PRR5L: variants seen among roughly 807,000 people sequenced by gnomAD.
PRR5L encodes the protein proline rich 5 like.
PRR5L carries 21 observed loss-of-function variants against 36.4 expected under a neutral mutation model. The ratio of observed to expected loss-of-function variants is 0.58; its 90% CI spans 0.41 to 0.83. The LOEUF is 0.83. PRR5L is among the 40% of genes least tolerant of loss of function. The pLI is 0.00. For synonymous variants in PRR5L, 188 were observed against 197.0 expected (o/e 0.95, Z 0.38); for missense variants, 381 against 473.3 (o/e 0.80, Z 1.81).
intron 1 of PRR5L, among the ~76,000 whole-genome samples, chr11:36,337,326 C>T (rs4755449): frequency 0.43 from 64,796 of 152,028 alleles, 14,489 homozygotes; most frequent in East Asian, 0.77. Flanking sequence ...CCGGCTTCTC[C>T]CCTCTTCTGC....
intron 8 of PRR5L, among the ~76,000 whole-genome samples, chr11:36,457,087 C>A (rs116290541): frequency 6.6e-6 from 1 of 152,204 alleles, no homozygotes; most frequent in African/African-American, 2.4e-5. Context: ...CTGGCTCATC[C>A]CAGTGGGCTG....
intron 1 of PRR5L, among the ~76,000 whole-genome samples, chr11:36,357,874 T>C (rs920710178): frequency 1.3e-5 from 2 of 152,266 alleles, no homozygotes; most frequent in African/African-American, 4.8e-5. Context: ...TCAAGTCTTA[T>C]TATTTAAGAA....
intron 1 of PRR5L, among the ~76,000 whole-genome samples, chr11:36,388,434 G>T (rs1857495147): frequency 6.6e-6 from 1 of 152,132 alleles, no homozygotes; most frequent in Non-Finnish European, 1.5e-5. Flanking sequence ...ATTTGAAGAA[G>T]TAAGGCATTT....
chr11:36,366,953 G>A (rs1392749890), intron 1 of PRR5L, among the ~76,000 whole-genome samples: 1 of 152,050 alleles, frequency 6.6e-6, no homozygotes, highest in South Asian at 2.1e-4. Context: ...GAATGAATAA[G>A]CATACACAAA....
chr11:36,451,346 C>T lies in PRR5L; in HGVS notation c.712+11C>T, dbSNP rs962806376. The T allele has an allele frequency of 1.2e-6, 2 of 1,613,576 alleles. No individual in the cohort carries two copies. Among genetic ancestry groups the T allele is most frequent in the African/African-American group, 1.3e-5 (1 of 74,916 alleles). On this transcript the variant is annotated intron_variant, in intron 8 of 8. Coordinates refer to ENST00000530639, the MANE Select transcript of PRR5L (RefSeq NM_001160167.2). ...CCACGTACACGCTGGGTAAGGAGTG[C>T]AGCTCTCAAGTTGTCAAGAGGCCCA...
At chr11:36,427,173 G>A (rs978506094) in intron 4 of PRR5L, among the ~76,000 whole-genome samples, 3 of 152,066 alleles carry the variant, frequency 2.0e-5, no homozygotes, top group East Asian at 1.9e-4. Flanking sequence ...TTTGCAGCCC[G>A]TTTTTCTATG....
At chr11:36,303,939 A>G (rs1856403267) in intron 1 of PRR5L, among the ~76,000 whole-genome samples, 1 of 152,180 alleles carries the variant, frequency 6.6e-6, no homozygotes, top group African/African-American at 2.4e-5. Flanking sequence ...GATGTCCAGC[A>G]GGGCAGGAGC....
In PRR5L at chr11:36,464,617, T is replaced by C. The variant is rs1295142082; in HGVS notation, c.*1881T>C. ...GGAGCATCAGTAGGTAGCAACATGA[T>C]AATTTATGTAACTGATAGCTTCTGT... On this transcript the variant is annotated 3_prime_UTR_variant, in exon 9 of 9. Coordinates refer to ENST00000530639, the MANE Select transcript of PRR5L (RefSeq NM_001160167.2). The C allele has an allele frequency of 6.6e-6, 1 of 152,232 alleles. No individual in the cohort carries two copies. The highest frequency in any genetic ancestry group is 1.5e-5 in the Non-Finnish European group (1 of 68,032). The allele number at this position is 152,232 out of a possible 1,614,324, so 9.4% of individuals were successfully genotyped here.
intron 1 of PRR5L, among the ~76,000 whole-genome samples, chr11:36,331,394 A>C (rs908735698): frequency 6.6e-6 from 1 of 152,222 alleles, no homozygotes; most frequent in Non-Finnish European, 1.5e-5. Flanking sequence ...AAATGTCAAA[A>C]AGTTTGAACA....
At chr11:36,351,563 TTATATATTTATATAAATATATA>T (rs1565408652) in intron 1 of PRR5L, among the ~76,000 whole-genome samples, 3 of 19,068 alleles carry the variant, frequency 1.6e-4, no homozygotes, top group South Asian at 2.2e-3. Context: ...ATTTATATAT[TTATATATTTATATAAATATATA>T]TTTATATATT....
At chr11:36,309,778 G>A (rs1856479116) in intron 1 of PRR5L, among the ~76,000 whole-genome samples, 1 of 151,906 alleles carries the variant, frequency 6.6e-6, no homozygotes, top group South Asian at 2.1e-4. Flanking sequence ...TGTGTGTTTT[G>A]GCACACTTCT....
chr11:36,369,949 C>T (rs1038592237), intron 1 of PRR5L, among the ~76,000 whole-genome samples: 11 of 152,124 alleles, frequency 7.2e-5, no homozygotes, highest in Non-Finnish European at 1.3e-4. Flanking sequence ...TCTTAAGATG[C>T]AGAGAGGGGA....
intron 3 of PRR5L, among the ~76,000 whole-genome samples, chr11:36,410,125 G>A (rs925699886): frequency 3.9e-5 from 6 of 152,180 alleles, no homozygotes; most frequent in Non-Finnish European, 7.3e-5. Flanking sequence ...TACCTGCTGT[G>A]GCTGAGAAAC....
At chr11:36,398,434 C>G (rs1857715827) in intron 1 of PRR5L, 1 of 152,600 alleles carries the variant, frequency 6.6e-6, no homozygotes, top group Admixed American at 6.5e-5. Flanking sequence ...CCACTCTTGT[C>G]AATGCTCCCA....
At chr11:36,340,175 C>T (rs1856805173) in intron 1 of PRR5L, among the ~76,000 whole-genome samples, 1 of 152,208 alleles carries the variant, frequency 6.6e-6, no homozygotes, top group Non-Finnish European at 1.5e-5. Flanking sequence ...TTTGTTCTGT[C>T]CAGCCCAGTA....
At chr11:36,418,405 G>C (rs1858191894) in intron 3 of PRR5L, among the ~76,000 whole-genome samples, 1 of 152,168 alleles carries the variant, frequency 6.6e-6, no homozygotes, top group African/African-American at 2.4e-5. Context: ...GGGAAAAGAT[G>C]TTGAATTTGC....
At chr11:36,316,622 T>C (rs968027291) in intron 1 of PRR5L, among the ~76,000 whole-genome samples, 3 of 152,148 alleles carry the variant, frequency 2.0e-5, no homozygotes, top group African/African-American at 4.8e-5. Context: ...ATTACCGGTC[T>C]GGGTGGTGTC....
intron 6 of PRR5L, among the ~76,000 whole-genome samples, chr11:36,445,130 G>A (rs1197433435): frequency 6.6e-6 from 1 of 152,182 alleles, no homozygotes; most frequent in Admixed American, 6.5e-5. Context: ...CAGGGGATAT[G>A]GAGATAGCAA....
intron 8 of PRR5L, among the ~76,000 whole-genome samples, chr11:36,460,564 C>G (rs1481303420): frequency 6.6e-6 from 1 of 152,228 alleles, no homozygotes; most frequent in Non-Finnish European, 1.5e-5. Context: ...CTTTCCTGAT[C>G]ACCTCTCACT....
Sources: gnomAD v4.1 joint callset for allele counts (sites outside exome capture counted in the v4.1 genomes callset) on GRCh38, gnomAD v4.1.1 for gene constraint, MANE v1.5 for transcripts, NCBI Gene and HGNC (gene_info 2026-07-23, HGNC 2026-07-21) for gene names.